The following LHFPL3 variants were observed in gnomAD, a reference collection of about 807,000 sequenced individuals.
The protein encoded by LHFPL3 is LHFPL tetraspan subfamily member 3, also known as LHFPL tetraspan subfamily member 3 protein.
A neutral mutation model predicts 19.3 loss-of-function variants in LHFPL3; 5 were observed. The ratio of observed to expected loss-of-function variants is 0.26; its 90% CI spans 0.14 to 0.54. The LOEUF is 0.54. Ranked by LOEUF, LHFPL3 falls within the 20% of genes least tolerant of loss-of-function variation. The pLI is 0.94. For missense variants in LHFPL3, 249 were observed against 307.4 expected (o/e 0.81, Z 1.42); for synonymous variants, 133 against 126.2 (o/e 1.05, Z -0.36).
intron 1 of LHFPL3, among the ~76,000 whole-genome samples, chr7:104,600,259 G>T (rs777723681): frequency 6.6e-6 from 1 of 152,210 alleles, no homozygotes; most frequent in Non-Finnish European, 1.5e-5. Flanking sequence ...TACTTTCTGA[G>T]CTGGCAACTT....
At chr7:104,864,348 G>A (rs1791677198) in intron 2 of LHFPL3, among the ~76,000 whole-genome samples, 1 of 144,548 alleles carries the variant, frequency 6.9e-6, no homozygotes. Flanking sequence ...AGGGGTCAGG[G>A]AATTCTCTTT....
chr7:104,768,826 A>G (rs530409420), intron 2 of LHFPL3: 1 of 152,344 alleles, frequency 6.6e-6, no homozygotes, highest in Admixed American at 6.5e-5. Context: ...AATCCTTCAT[A>G]CAAATGTTAA....
chr7:104,516,022 A>G (rs548122976), intron 1 of LHFPL3, among the ~76,000 whole-genome samples: 2 of 152,202 alleles, frequency 1.3e-5, no homozygotes, highest in African/African-American at 4.8e-5. Context: ...ATTTACTGTT[A>G]TTAGTCTGTT....
intron 1 of LHFPL3, among the ~76,000 whole-genome samples, chr7:104,427,588 C>CA (rs1252295117): frequency 2.6e-5 from 4 of 152,138 alleles, no homozygotes; most frequent in Non-Finnish European, 5.9e-5. Context: ...CCACATATCT[C>CA]AAAAAACTTT....
At chr7:104,525,554 T>A (rs1794170166) in intron 1 of LHFPL3, among the ~76,000 whole-genome samples, 1 of 151,888 alleles carries the variant, frequency 6.6e-6, no homozygotes, top group Admixed American at 6.6e-5. Flanking sequence ...TAGTCCAGAG[T>A]AATGATCCTC....
intron 1 of LHFPL3, among the ~76,000 whole-genome samples, chr7:104,553,580 A>G (rs981242242): frequency 1.3e-5 from 2 of 152,196 alleles, no homozygotes; most frequent in East Asian, 3.8e-4. Context: ...ATATGAATCT[A>G]AAATGCAAGC....
At chr7:104,638,149 C>G (rs1474173499) in intron 1 of LHFPL3, among the ~76,000 whole-genome samples, 1 of 152,020 alleles carries the variant, frequency 6.6e-6, no homozygotes, top group East Asian at 1.9e-4. Flanking sequence ...TTTTTTGTGG[C>G]AATTGTGAAT....
chr7:104,336,569 A>T (rs1433276558), intron 1 of LHFPL3, among the ~76,000 whole-genome samples: 1 of 152,126 alleles, frequency 6.6e-6, no homozygotes, highest in Non-Finnish European at 1.5e-5. Context: ...ACCAATGTAG[A>T]CATGAACCAT....
At chr7:104,771,704 T>C (rs1187296132) in intron 2 of LHFPL3, among the ~76,000 whole-genome samples, 2 of 151,302 alleles carry the variant, frequency 1.3e-5, no homozygotes, top group African/African-American at 4.8e-5. Context: ...TCCTGTGTGA[T>C]TTGTTTACTA....
intron 2 of LHFPL3, among the ~76,000 whole-genome samples, chr7:104,888,921 A>G (rs749999638): frequency 6.6e-6 from 1 of 152,214 alleles, no homozygotes; most frequent in African/African-American, 2.4e-5. Context: ...TACATCAGAA[A>G]GTCAGCAGTT....
In LHFPL3 at chr7:104,596,227, C is replaced by G. The variant is rs563287962; in HGVS notation, c.446-140448C>G. On this transcript the variant is annotated intron_variant, in intron 1 of 2. Coordinates refer to ENST00000424859, the MANE Select transcript of LHFPL3 (RefSeq NM_199000.3). Reference sequence around the variant, plus strand: ...TTTTTATCACATGAGATGCAGTGGCCCTGCCTCAGACCTTCTCATGGCTCA... The same window carrying G: ...TTTTTATCACATGAGATGCAGTGGCGCTGCCTCAGACCTTCTCATGGCTCA... Among the ~76,000 whole-genome samples, 17 of 152,266 alleles carry G rather than the reference C, an allele frequency of 1.1e-4. No homozygotes were observed. The South Asian group carries it at 1.9e-3, about 17-fold the overall frequency.
intron 2 of LHFPL3, among the ~76,000 whole-genome samples, chr7:104,887,723 G>T (rs1249422115): frequency 6.6e-6 from 1 of 152,240 alleles, no homozygotes; most frequent in East Asian, 1.9e-4. Flanking sequence ...ACAAGTACTG[G>T]CTTCTGCAAA....
At chr7:104,503,912 A>G (rs1793650439) in intron 1 of LHFPL3, among the ~76,000 whole-genome samples, 1 of 152,134 alleles carries the variant, frequency 6.6e-6, no homozygotes, top group Admixed American at 6.6e-5. Flanking sequence ...TTTAGCATTT[A>G]TATAAGCCCA....
intron 2 of LHFPL3, among the ~76,000 whole-genome samples, chr7:104,778,682 C>T (rs535841058): frequency 4.6e-5 from 7 of 152,342 alleles, no homozygotes; most frequent in Non-Finnish European, 7.3e-5. Context: ...ACCACTTCTC[C>T]GCCCGTGGAA....
intron 1 of LHFPL3, among the ~76,000 whole-genome samples, chr7:104,644,735 G>T (rs537627953): frequency 1.6e-5 from 1 of 61,560 alleles, no homozygotes; most frequent in African/African-American, 6.5e-5. Flanking sequence ...TGTTGCTCCC[G>T]CTTGGGACAT....
chr7:104,684,348 G>A (rs1386783389), intron 1 of LHFPL3, among the ~76,000 whole-genome samples: 1 of 152,182 alleles, frequency 6.6e-6, no homozygotes, highest in East Asian at 1.9e-4. Flanking sequence ...TCTCCGTAAA[G>A]GGCCAGATAG....
At chr7:104,859,582 T>C (rs1453762308) in intron 2 of LHFPL3, among the ~76,000 whole-genome samples, 1 of 151,892 alleles carries the variant, frequency 6.6e-6, no homozygotes, top group Non-Finnish European at 1.5e-5. Flanking sequence ...GGTAGGAGAA[T>C]CACTTGAACC....
intron 1 of LHFPL3, among the ~76,000 whole-genome samples, chr7:104,588,080 G>T (rs1790621848): frequency 6.6e-6 from 1 of 152,164 alleles, no homozygotes. Flanking sequence ...TGTTCACTCT[G>T]ATGGCACTTT....
intron 1 of LHFPL3, among the ~76,000 whole-genome samples, chr7:104,625,932 C>A (rs1348228618): frequency 2.0e-5 from 3 of 152,136 alleles, no homozygotes; most frequent in Non-Finnish European, 4.4e-5. Context: ...AAAACAACAC[C>A]CCTGCTAGCC....
Sources: allele counts gnomAD v4.1 joint callset (sites outside exome capture counted in the v4.1 genomes callset), GRCh38; gene constraint gnomAD v4.1.1; transcripts MANE v1.5; gene names NCBI Gene and HGNC (gene_info 2026-07-23, HGNC 2026-07-21).